Variants in CHRM3 observed in about 807,000 individuals in gnomAD.
CHRM3 encodes muscarinic acetylcholine receptor M3.
A neutral mutation model predicts 41.8 loss-of-function variants in CHRM3; 11 were observed. The observed-to-expected ratio is 0.26, with a 90% confidence interval of 0.17 to 0.44. The LOEUF is 0.44. Ranked by LOEUF, CHRM3 falls within the 20% of genes least tolerant of loss-of-function variation. The pLI, the probability that CHRM3 is intolerant of heterozygous loss-of-function variation, is 1.00. For missense variants in CHRM3, 571 were observed against 745.4 expected (o/e 0.77, Z 2.72); for synonymous variants, 297 against 301.4 (o/e 0.99, Z 0.15).
chr1:239,593,472 A>G (rs2148651442), intron 3 of CHRM3, among the ~76,000 whole-genome samples: 1 of 57,482 alleles, frequency 1.7e-5, no homozygotes, highest in East Asian at 5.2e-4. Context: ...ACGTTAGACC[A>G]TTTCTTTTTA....
At chr1:239,777,449 T>A (rs550243150) in intron 5 of CHRM3, among the ~76,000 whole-genome samples, 1 of 152,338 alleles carries the variant, frequency 6.6e-6, no homozygotes, top group African/African-American at 2.4e-5. Flanking sequence ...TATAAAAATT[T>A]GTTCTGGAAG....
chr1:239,892,918 T>G (rs1434268566), intron 6 of CHRM3, among the ~76,000 whole-genome samples: 1 of 152,196 alleles, frequency 6.6e-6, no homozygotes, highest in Admixed American at 6.5e-5. Flanking sequence ...AGGAAAGATG[T>G]CCACAATATA....
rs192805948 is a variant in CHRM3 at position 239,579,220 on chromosome 1, T to C, written c.-313+33471T>C. Among the ~76,000 whole-genome samples the C allele has an allele frequency of 4.6e-5, 7 of 152,280 alleles. No homozygotes were observed. The East Asian group carries it at 1.4e-3, about 29-fold the overall frequency. On this transcript the variant is annotated intron_variant, in intron 3 of 6. Transcript: ENST00000676153. ...ATATTTCCTTTGGTTACCAATCTAC[T>C]AGCTCTACCAAAGGAAATAATAAAG...
intron 6 of CHRM3, among the ~76,000 whole-genome samples, chr1:239,863,712 TG>T (rs1675829589): frequency 6.6e-6 from 1 of 150,498 alleles, no homozygotes; most frequent in African/African-American, 2.5e-5. Context: ...AGAAAGAAGG[TG>T]GGGGGAAGAG....
intron 1 of CHRM3, among the ~76,000 whole-genome samples, chr1:239,482,104 C>A (rs1666894789): frequency 1.3e-5 from 2 of 152,026 alleles, no homozygotes; most frequent in Non-Finnish European, 2.9e-5. Flanking sequence ...AGACACCTCA[C>A]CTATGTTCTT....
Position 239,859,427 on chromosome 1 carries a change from T to G in CHRM3, c.-20+32049T>G, listed in dbSNP as rs1197287232. Among the ~76,000 whole-genome samples the G allele has an allele frequency of 5.9e-4, 86 of 145,708 alleles. 1 individual carries two copies. Among genetic ancestry groups the G allele is most frequent in the South Asian group, 3.7e-3 (17 of 4,642 alleles). ...TTGTTGTTGTTGTTGTTGTTTTTTT[T>G]TTTTGTTTTTTTTTTTGAGGTGGAG... On this transcript the variant is annotated intron_variant, in intron 6 of 6. Transcript: ENST00000676153.
chr1:239,900,005 C>T (rs1679391274), intron 6 of CHRM3: 1 of 152,230 alleles, frequency 6.6e-6, no homozygotes, highest in African/African-American at 2.4e-5. Flanking sequence ...GGTCACTGGG[C>T]TGACAAGGAT....
intron 6 of CHRM3, among the ~76,000 whole-genome samples, chr1:239,884,889 A>T (rs1016071106): frequency 6.6e-6 from 1 of 152,112 alleles, no homozygotes; most frequent in African/African-American, 2.4e-5. Context: ...AGTGGCTGGT[A>T]AAAAAACAAG....
intron 6 of CHRM3, among the ~76,000 whole-genome samples, chr1:239,900,245 T>C (rs762805062): frequency 3.3e-5 from 5 of 150,264 alleles, no homozygotes; most frequent in Non-Finnish European, 5.9e-5. Flanking sequence ...TAGCCCGGGG[T>C]TATCACTGCT....
intron 5 of CHRM3, among the ~76,000 whole-genome samples, chr1:239,715,979 T>C (rs1167384269): frequency 6.6e-6 from 1 of 152,128 alleles, no homozygotes; most frequent in Non-Finnish European, 1.5e-5. Context: ...AGTACCATTC[T>C]GCAGAGTCAC....
chr1:239,785,010 T>C (rs984165675), intron 5 of CHRM3, among the ~76,000 whole-genome samples: 9 of 152,242 alleles, frequency 5.9e-5, no homozygotes, highest in African/African-American at 1.9e-4. Flanking sequence ...AGAATGTTCA[T>C]TGTCTTCTCA....
intron 5 of CHRM3, among the ~76,000 whole-genome samples, chr1:239,749,520 T>C (rs10925968): frequency 0.043 from 6,537 of 152,022 alleles, 222 homozygotes; most frequent in African/African-American, 0.083. Context: ...ATACAAAAAT[T>C]AGCTAGGTGT....
At position 239,831,827 on chromosome 1, in the gene CHRM3, A is replaced by G. The variant is rs368470270; in HGVS notation, c.-20+4449A>G. On this transcript the variant is annotated intron_variant, in intron 6 of 6. Coordinates refer to ENST00000676153, the MANE Select transcript of CHRM3 (RefSeq NM_001375978.1). Reference sequence around the variant, plus strand: ...GGCCATGAAATCAGGTGTTATATAGATTAAAGCCAATATCTGAGTGTTTTA... The same window carrying G: ...GGCCATGAAATCAGGTGTTATATAGGTTAAAGCCAATATCTGAGTGTTTTA... 1.8e-4 allele frequency among the ~76,000 whole-genome samples: 28 copies of G among 152,320 alleles called. No homozygotes were observed. The South Asian group carries it at 4.3e-3, about 24-fold the overall frequency.
intron 1 of CHRM3, among the ~76,000 whole-genome samples, chr1:239,443,867 A>C (rs1196132036): frequency 6.6e-6 from 1 of 152,232 alleles, no homozygotes; most frequent in Non-Finnish European, 1.5e-5. Flanking sequence ...AAACAGTAGA[A>C]GAGAATTGAA....
intron 5 of CHRM3, among the ~76,000 whole-genome samples, chr1:239,823,102 C>T (rs149830496): frequency 1.8e-4 from 28 of 152,260 alleles, no homozygotes; most frequent in Non-Finnish European, 3.4e-4. Flanking sequence ...CCAAAGTGAG[C>T]GATTTATCCT....
In CHRM3 at chr1:239,448,922, T is replaced by C. The variant is rs189373843; in HGVS notation, c.-520-43787T>C. 5.8e-4 allele frequency among the ~76,000 whole-genome samples: 89 copies of C among 152,320 alleles called. 1 individual carries two copies. In the East Asian group the frequency reaches 0.014, roughly 25 times the overall value. On this transcript the variant is annotated intron_variant, in intron 1 of 6. Transcript: ENST00000676153. ...TAGGATTTGAGGACTTTTCTAGTTT[T>C]AGAATACCGTGGTCTGAAAATCTTT...
intron 6 of CHRM3, among the ~76,000 whole-genome samples, chr1:239,859,819 T>TTTTATATATA (rs367766853): frequency 4.3e-4 from 57 of 131,416 alleles, no homozygotes; most frequent in East Asian, 4.0e-3. Context: ...TCTAAGTGTT[T>TTTTATATATA]TATATATATA....
At chr1:239,639,005 AT>A (rs1670795925) in intron 4 of CHRM3, among the ~76,000 whole-genome samples, 1 of 152,060 alleles carries the variant, frequency 6.6e-6, no homozygotes, top group Admixed American at 6.6e-5. Flanking sequence ...TCCCAGCACC[AT>A]TTATTAAATA....
chr1:239,695,580 C>T (rs1309568815), intron 5 of CHRM3, among the ~76,000 whole-genome samples: 4 of 151,842 alleles, frequency 2.6e-5, no homozygotes, highest in Non-Finnish European at 5.9e-5. Flanking sequence ...CCCTGGGAAA[C>T]AATAAAAGCT....
Sources: gnomAD v4.1 joint callset for allele counts (sites outside exome capture counted in the v4.1 genomes callset) on GRCh38, gnomAD v4.1.1 for gene constraint, MANE v1.5 for transcripts, NCBI Gene and HGNC (gene_info 2026-07-23, HGNC 2026-07-21) for gene names.